The following UBE2J1 variants were observed in gnomAD, a reference collection of about 807,000 sequenced individuals.
UBE2J1 encodes ubiquitin-conjugating enzyme E2 J1.
In UBE2J1, 17 loss-of-function variants were observed where a neutral mutation model predicts 42.1. The ratio of observed to expected loss-of-function variants is 0.40; its 90% CI spans 0.28 to 0.61. The LOEUF (loss-of-function observed/expected upper bound fraction) is 0.61, where lower values mean the gene tolerates loss of function less well. UBE2J1 is among the 20% of genes least tolerant of loss of function. The pLI, the probability that UBE2J1 is intolerant of heterozygous loss-of-function variation, is 0.38. For missense variants in UBE2J1, 291 were observed against 389.4 expected, an observed-to-expected ratio of 0.75 and a Z score of 2.13; for synonymous variants, 127 against 137.2, an observed-to-expected ratio of 0.93 and a Z score of 0.52.
rs1395179516 is a variant in UBE2J1 at position 89,352,686 on chromosome 6, A to C, written c.-117T>G. 4 of 1,212,768 alleles carry C rather than the reference A, an allele frequency of 3.3e-6. No homozygotes were observed. Among genetic ancestry groups the C allele is most frequent in the Non-Finnish European group, 4.4e-6 (4 of 913,480 alleles). 75.1% of individuals were successfully genotyped at this position (1,212,768 alleles called of 1,614,324 possible). A position where few individuals can be genotyped will look rare whatever the true frequency, so the allele number is the denominator to read the frequency against. On this transcript the variant is annotated 5_prime_UTR_variant, in exon 1 of 8. Transcript: ENST00000435041. The stretch of plus-strand genomic sequence containing the variant: ...CGGGGCCTGGCCGAGGAGCCTCGGC[A>C]AATGCCGCCCAGTCCAGCCTGGACT...
intron 1 of UBE2J1, among the ~76,000 whole-genome samples, chr6:89,343,982 C>T (rs1562421938): frequency 6.6e-6 from 1 of 151,964 alleles, no homozygotes; most frequent in African/African-American, 2.4e-5. Context: ...AGTGAAGACA[C>T]TATTTTTATT....
rs193120205 is a variant in UBE2J1 at position 89,328,344 on chromosome 6, C to T, written c.*1335G>A. 3.6e-4 allele frequency: 55 copies of T among 152,316 alleles called. No individual in the cohort carries two copies. Among genetic ancestry groups the T allele is most frequent in the Admixed American group, 3.6e-3 (55 of 15,290 alleles). 9.4% of individuals were successfully genotyped at this position (152,316 alleles called of 1,614,324 possible). ...TATGAATACCCTCCCCTATACTATT[C>T]AAGATATACATATGGGCTAACTTTC... On this transcript the variant is annotated 3_prime_UTR_variant, in exon 8 of 8. Transcript: ENST00000435041.
chr6:89,331,292 A>T (rs1456909869), intron 7 of UBE2J1, among the ~76,000 whole-genome samples: 1 of 152,222 alleles, frequency 6.6e-6, no homozygotes, highest in African/African-American at 2.4e-5. Context: ...TTAAAAACTT[A>T]ACTTGCAATT....
At position 89,352,668 on chromosome 6, in the gene UBE2J1, T is replaced by C. The variant is rs1448001850; in HGVS notation, c.-99A>G. The stretch of plus-strand genomic sequence containing the variant: ...CAGCGCGGCTCGGGCGGACGGGGCC[T>C]GGCCGAGGAGCCTCGGCAAATGCCG... On this transcript the variant is annotated 5_prime_UTR_variant, in exon 1 of 8. Coordinates refer to ENST00000435041, the MANE Select transcript of UBE2J1 (RefSeq NM_016021.3). 31 of 1,346,418 alleles carry C rather than the reference T, an allele frequency of 2.3e-5. No homozygotes were observed. Among genetic ancestry groups the C allele is most frequent in the Non-Finnish European group, 8.8e-6 (9 of 1,026,058 alleles). The allele number at this position is 1,346,418 out of a possible 1,614,324, so 83.4% of individuals were successfully genotyped here.
chr6:89,346,041 C>A (rs62415377), intron 1 of UBE2J1, among the ~76,000 whole-genome samples: 8 of 152,092 alleles, frequency 5.3e-5, no homozygotes, highest in Non-Finnish European at 1.2e-4. Context: ...CAGGCATGCA[C>A]CACCATGCCT....
chr6:89,344,814 A>C (rs1768326867), intron 1 of UBE2J1, among the ~76,000 whole-genome samples: 1 of 152,184 alleles, frequency 6.6e-6, no homozygotes, highest in Non-Finnish European at 1.5e-5. Context: ...CTGATGAATG[A>C]CTGCTAGCAG....
chr6:89,338,236 T>A lies in UBE2J1; in HGVS notation c.397A>T (p.Thr133Ser). The A allele has an allele frequency of 6.2e-7, 1 of 1,613,452 alleles. No individual in the cohort carries two copies. Among genetic ancestry groups the A allele is most frequent in the Non-Finnish European group, 8.5e-7 (1 of 1,179,772 alleles). ...GCAAGTGCTCTTCTTTCCTCAGGAG[T>A]GTAATCTAGAGAACCTATGGCTCCC... ...GEGAIGSLDY[T>S]PEERRALAKK... Residue 133 changes from threonine to serine, a missense_variant, in exon 5 of 8, where the codon ACT becomes TCT. This residue lies in a region of UBE2J1 where 115 missense variants were observed against 193.1 expected (regional missense o/e 0.60). Coordinates refer to ENST00000435041, the MANE Select transcript of UBE2J1 (RefSeq NM_016021.3).
chr6:89,341,577 AGCTGGGTGCAGTG>A (rs762351794), intron 3 of UBE2J1, among the ~76,000 whole-genome samples: 4 of 152,102 alleles, frequency 2.6e-5, no homozygotes, highest in Non-Finnish European at 4.4e-5. Flanking sequence ...CTTTTTAATT[AGCTGGGTGCAGTG>A]GCATGTGCCT....
intron 7 of UBE2J1, among the ~76,000 whole-genome samples, chr6:89,331,645 T>C (rs1049767025): frequency 1.1e-4 from 16 of 152,098 alleles, no homozygotes; most frequent in East Asian, 3.9e-4. Context: ...GGAAGAGAGA[T>C]AGACAATAAA....
chr6:89,329,418 A>G lies in UBE2J1; in HGVS notation c.*261T>C, dbSNP rs1309596584. The G allele has an allele frequency of 4.6e-6, 2 of 439,142 alleles. No individual in the cohort carries two copies. The highest frequency in any genetic ancestry group is 4.0e-6 in the Non-Finnish European group (1 of 247,564). 27.2% of individuals were successfully genotyped at this position (439,142 alleles called of 1,614,324 possible). ...AATTTACATAAAAAGAAGATGAAAC[A>G]TGAGAAAAAACAAGTTATTTCCCTG... On this transcript the variant is annotated 3_prime_UTR_variant, in exon 8 of 8. Coordinates refer to ENST00000435041, the MANE Select transcript of UBE2J1 (RefSeq NM_016021.3).
chr6:89,340,785 T>G (rs1199304213), intron 3 of UBE2J1, among the ~76,000 whole-genome samples: 2 of 151,318 alleles, frequency 1.3e-5, no homozygotes, highest in Non-Finnish European at 2.9e-5. Flanking sequence ...TTTTTTTTTT[T>G]TGAGATGGAG....
At chr6:89,337,545 G>A (rs2127864866) in intron 5 of UBE2J1, among the ~76,000 whole-genome samples, 1 of 152,194 alleles carries the variant, frequency 6.6e-6, no homozygotes, top group African/African-American at 2.4e-5. Context: ...TAATATGTCT[G>A]AAGGGTGGTA....
intron 5 of UBE2J1, among the ~76,000 whole-genome samples, chr6:89,336,369 C>T (rs997526151): frequency 6.6e-6 from 1 of 152,128 alleles, no homozygotes; most frequent in African/African-American, 2.4e-5. Context: ...TGGCTTGCTG[C>T]AGCCTCAACC....
Position 89,329,593 on chromosome 6 carries a change from C to A in UBE2J1, c.*86G>T. 6 of 1,423,056 alleles carry A rather than the reference C, an allele frequency of 4.2e-6. No homozygotes were observed. Among genetic ancestry groups the A allele is most frequent in the Non-Finnish European group, 5.8e-6 (6 of 1,031,358 alleles). 88.2% of individuals were successfully genotyped at this position (1,423,056 alleles called of 1,614,324 possible). On this transcript the variant is annotated 3_prime_UTR_variant, in exon 8 of 8. Coordinates refer to ENST00000435041, the MANE Select transcript of UBE2J1 (RefSeq NM_016021.3). ...GAATGAAGGGTAAATACAAAATAAT[C>A]TTTTTGTAAACAATTCTTAGATTAT...
Position 89,327,718 on chromosome 6 carries a change from C to T in UBE2J1, c.*1961G>A, listed in dbSNP as rs1767934639. 1 of 152,162 alleles carries T rather than the reference C, an allele frequency of 6.6e-6. No individual in the cohort carries two copies. The highest frequency in any genetic ancestry group is 6.6e-5 in the Admixed American group (1 of 15,256). The allele number at this position is 152,162 out of a possible 1,614,324, so 9.4% of individuals were successfully genotyped here. ...ATTGGCTTAAAGTATAGGTACACCCCATGGAAACATGCAATAAGATCACAT... is the reference window on the plus strand; with the variant it reads ...ATTGGCTTAAAGTATAGGTACACCCTATGGAAACATGCAATAAGATCACAT... On this transcript the variant is annotated 3_prime_UTR_variant, in exon 8 of 8. Transcript: ENST00000435041.
In UBE2J1 at chr6:89,329,222, C is replaced by CT. The variant is rs1668291570; in HGVS notation, c.*456dup. 1 of 156,570 alleles carries CT rather than the reference C, an allele frequency of 6.4e-6. No homozygotes were observed. The highest frequency in any genetic ancestry group is 6.5e-5 in the Admixed American group (1 of 15,392). The allele number at this position is 156,570 out of a possible 1,614,324, so 9.7% of individuals were successfully genotyped here. On this transcript the variant is annotated 3_prime_UTR_variant, in exon 8 of 8. Transcript: ENST00000435041. ...TCCTATGAATGACATTTTAAGGAAG[C>CT]TACTTGAGGAGTTTTGCTTTCCCTT... is the stretch of plus-strand genomic sequence containing the variant.
chr6:89,335,075 T>C (rs1049494060), intron 6 of UBE2J1, among the ~76,000 whole-genome samples: 1 of 152,198 alleles, frequency 6.6e-6, no homozygotes, highest in Non-Finnish European at 1.5e-5. Context: ...GTTAGGAATT[T>C]TGTAATAAGA....
rs193202098 is a variant in UBE2J1, at chr6:89,328,496, A to C, written c.*1183T>G. The C allele has an allele frequency of 1.3e-5, 2 of 152,344 alleles. No individual in the cohort carries two copies. Among genetic ancestry groups the C allele is most frequent in the Admixed American group, 1.3e-4 (2 of 15,298 alleles). 9.4% of individuals were successfully genotyped at this position (152,344 alleles called of 1,614,324 possible). A position where few individuals can be genotyped will look rare whatever the true frequency, so the allele number is the denominator to read the frequency against. On this transcript the variant is annotated 3_prime_UTR_variant, in exon 8 of 8. Coordinates refer to ENST00000435041, the MANE Select transcript of UBE2J1 (RefSeq NM_016021.3). ...TGGAACCACCTGTATTTAAAAATTA[A>C]ATCTTCATTAACAACACCCTCAAGA...
rs1376763271 is a variant in UBE2J1, at chr6:89,329,814, G to A, written c.822C>T (p.Gly274=). The change falls in exon 8 of 8, where the codon GGC becomes GGT. Residue 274 remains glycine (G), a synonymous_variant. Coordinates refer to ENST00000435041, the MANE Select transcript of UBE2J1 (RefSeq NM_016021.3). ...RLSTSPDVIQ[G]HQPRDNHTDH... ...CAGTGTGGTTGTCTCTTGGCTGGTG[G>A]CCCTGGATTACATCTGGTGAAGTAG... The A allele has an allele frequency of 1.9e-6, 3 of 1,614,106 alleles. No homozygotes were observed. Among genetic ancestry groups the A allele is most frequent in the Non-Finnish European group, 2.5e-6 (3 of 1,180,018 alleles).
Sources: allele counts gnomAD v4.1 joint callset (sites outside exome capture counted in the v4.1 genomes callset), GRCh38; gene constraint gnomAD v4.1.1; regional missense constraint gnomAD v4.1.1; transcripts MANE v1.5; gene names NCBI Gene and HGNC (gene_info 2026-07-23, HGNC 2026-07-21).